The following RCN2 variants were observed in gnomAD, a reference collection of about 807,000 sequenced individuals.
The protein encoded by RCN2 is reticulocalbin-2.
Under a neutral mutation model 37.5 loss-of-function variants are expected in RCN2, and 23 were observed. The observed-to-expected ratio is 0.61, with a 90% confidence interval of 0.44 to 0.87. The LOEUF (loss-of-function observed/expected upper bound fraction) is 0.87. Ranked by LOEUF, RCN2 falls within the 40% of genes least tolerant of loss-of-function variation. RCN2 has a pLI of 0.00. For missense variants in RCN2, 381 were observed against 390.4 expected, an observed-to-expected ratio of 0.98 and a Z score of 0.20; for synonymous variants, 140 against 144.6, an observed-to-expected ratio of 0.97 and a Z score of 0.23.
At position 76,931,791 on chromosome 15, in the gene RCN2, C is replaced by A. The variant is rs1179718496; in HGVS notation, c.-51C>A. On this transcript the variant is annotated 5_prime_UTR_variant, in exon 1 of 7. Coordinates refer to ENST00000394885, the MANE Select transcript of RCN2 (RefSeq NM_002902.3). ...CGGAGCATCGCAGCCGGCCCGGGCC[C>A]CCGCCAGCCTCCCTCCTCGCGTCCC... The A allele has an allele frequency of 2.9e-5, 35 of 1,192,198 alleles. No individual in the cohort carries two copies. The highest frequency in any genetic ancestry group is 3.5e-5 in the Non-Finnish European group (34 of 961,572). 73.9% of individuals were successfully genotyped at this position (1,192,198 alleles called of 1,614,324 possible).
At chr15:76,935,475 TAAG>T (rs1341747896) in intron 2 of RCN2, 48 bp from the exon 3 acceptor site, 1 of 1,420,730 alleles carries the variant, frequency 7.0e-7, no homozygotes, top group Admixed American at 1.9e-5. Context: ...TCCTTACTCT[TAAG>T]TATCAGAATT....
intron 3 of RCN2, chr15:76,941,696 C>G: frequency 7.0e-7 from 1 of 1,436,678 alleles, no homozygotes. Flanking sequence ...TTAATGTGAG[C>G]TATTCTTATT....
chr15:76,948,173 A>C (rs964527044), intron 5 of RCN2: 1 of 340,104 alleles, frequency 2.9e-6, no homozygotes, highest in Non-Finnish European at 5.3e-6. Context: ...TAACAAAATT[A>C]CTAGTTTGTG....
Position 76,932,403 on chromosome 15 carries a change from C to G in RCN2, c.187C>G (p.Gln63Glu). The change falls in exon 2 of 7, where the codon CAA becomes GAA. Residue 63 changes from glutamine to glutamate, a missense_variant. Gln to Glu is a conservative substitution (Grantham distance 29). Transcript: ENST00000394885. The stretch of plus-strand genomic sequence containing the variant: ...TGTTAAACTCGGCCACGAAGAGCAG[C>G]AAAAAAGACTGCAGGCGATCATAAA... Reference protein sequence around the residue: ...EYVKLGHEEQQKRLQAIIKKI... With the variant: ...EYVKLGHEEQEKRLQAIIKKI... The G allele has an allele frequency of 6.2e-7, 1 of 1,611,686 alleles. No individual in the cohort carries two copies. The highest frequency in any genetic ancestry group is 8.5e-7 in the Non-Finnish European group (1 of 1,178,658).
At chr15:76,944,337 A>G (rs1290967318) in intron 4 of RCN2, among the ~76,000 whole-genome samples, 1 of 152,150 alleles carries the variant, frequency 6.6e-6, no homozygotes, top group Non-Finnish European at 1.5e-5. Context: ...ACAATGAGGT[A>G]TCCATCCCCT....
rs1245085810 is a variant in RCN2 at position 76,952,816 on chromosome 15, A to C, written c.*3594A>C. The C allele has an allele frequency of 1.3e-5, 2 of 151,596 alleles. No individual in the cohort carries two copies. 9.4% of individuals were successfully genotyped at this position (151,596 alleles called of 1,614,324 possible). On this transcript the variant is annotated 3_prime_UTR_variant, in exon 7 of 7. Transcript: ENST00000394885. Reference sequence around the variant, plus strand: ...TTGTATTTAGTAGAAATGGGGTTTCACCATGTTGGTCAAGCTGGTCTCGAA... The same window carrying C: ...TTGTATTTAGTAGAAATGGGGTTTCCCCATGTTGGTCAAGCTGGTCTCGAA...
At position 76,950,799 on chromosome 15, in the gene RCN2, C is replaced by T. The variant is rs909325619; in HGVS notation, c.*1577C>T. ...TGTCTCATATACAGCACACTGGGGG[C>T]TCAACAAGTACCTATGACTATTTGA... On this transcript the variant is annotated 3_prime_UTR_variant, in exon 7 of 7. Coordinates refer to ENST00000394885, the MANE Select transcript of RCN2 (RefSeq NM_002902.3). 3.9e-5 allele frequency: 6 copies of T among 152,148 alleles called. No homozygotes were observed. The highest frequency in any genetic ancestry group is 8.8e-5 in the Non-Finnish European group (6 of 68,028). The allele number at this position is 152,148 out of a possible 1,614,324, so 9.4% of individuals were successfully genotyped here.
chr15:76,932,895 G>A (rs1256102571), intron 2 of RCN2, among the ~76,000 whole-genome samples: 2 of 152,044 alleles, frequency 1.3e-5, no homozygotes, highest in African/African-American at 4.8e-5. Flanking sequence ...TGTGAATTAC[G>A]TTTATTATAA....
rs938921829 is a variant in RCN2, at chr15:76,950,048, T to G, written c.*826T>G. On this transcript the variant is annotated 3_prime_UTR_variant, in exon 7 of 7. Transcript: ENST00000394885. ...AAATTATTCTTGCTGCATTTTCTTA[T>G]TTTTTTTTTAAATAAGAGAATCATG... 3 of 150,202 alleles carry G rather than the reference T, an allele frequency of 2.0e-5. No individual in the cohort carries two copies. The highest frequency in any genetic ancestry group is 1.5e-5 in the Non-Finnish European group (1 of 67,336). The allele number at this position is 150,202 out of a possible 1,614,324, so 9.3% of individuals were successfully genotyped here. A position where few individuals can be genotyped will look rare whatever the true frequency, so the allele number is the denominator to read the frequency against.
rs893775368 is a variant in RCN2, at chr15:76,949,283, T to C, written c.*61T>C. 5.0e-6 allele frequency: 6 copies of C among 1,195,242 alleles called. No individual in the cohort carries two copies. The African/African-American group carries it at 7.8e-5, about 15-fold the overall frequency. 74.0% of individuals were successfully genotyped at this position (1,195,242 alleles called of 1,614,324 possible). ...TTATAATTTGTTACCAGCTTTACTT[T>C]TGTGATAAAATATTGATGTTGTATT... On this transcript the variant is annotated 3_prime_UTR_variant, in exon 7 of 7. Coordinates refer to ENST00000394885, the MANE Select transcript of RCN2 (RefSeq NM_002902.3).
chr15:76,937,997 C>T (rs1285011889), intron 3 of RCN2, among the ~76,000 whole-genome samples: 2 of 152,014 alleles, frequency 1.3e-5, no homozygotes, highest in Non-Finnish European at 2.9e-5. Context: ...TACATACTTA[C>T]AGAGTACATG....
chr15:76,936,698 G>T (rs1321824727), intron 3 of RCN2, among the ~76,000 whole-genome samples: 1 of 152,158 alleles, frequency 6.6e-6, no homozygotes, highest in African/African-American at 2.4e-5. Context: ...TAGGCTATGT[G>T]CAAATACTGC....
chr15:76,936,886 C>T (rs752006745), intron 3 of RCN2, among the ~76,000 whole-genome samples: 5 of 152,188 alleles, frequency 3.3e-5, no homozygotes, highest in Admixed American at 6.5e-5. Flanking sequence ...ATCTCCCCGA[C>T]TCTTTTCATC....
chr15:76,932,079 C>A (rs533780439), intron 1 of RCN2, 94 bp downstream of exon 1: 64 of 1,179,714 alleles, frequency 5.4e-5, no homozygotes, highest in Non-Finnish European at 6.9e-5. Context: ...CCGGGCGAGG[C>A]CTGGCAGGGG....
intron 5 of RCN2, chr15:76,947,886 C>A (rs912111774): frequency 5.3e-6 from 1 of 188,896 alleles, no homozygotes; most frequent in Non-Finnish European, 1.1e-5. Flanking sequence ...CTGGTGTAAA[C>A]ACAGTATCAG....
intron 6 of RCN2, 74 bp from the exon 7 acceptor site, chr15:76,948,996 C>A: frequency 1.5e-6 from 2 of 1,345,298 alleles, no homozygotes; most frequent in Non-Finnish European, 2.0e-6. Context: ...TTTGACAAGT[C>A]AAATCACATT....
At chr15:76,937,819 A>G (rs1242841340) in intron 3 of RCN2, among the ~76,000 whole-genome samples, 1 of 152,200 alleles carries the variant, frequency 6.6e-6, no homozygotes, top group Admixed American at 6.5e-5. Flanking sequence ...GACTAATTTT[A>G]TTTAGGAATT....
intron 2 of RCN2, among the ~76,000 whole-genome samples, chr15:76,935,019 C>A (rs2075240867): frequency 6.6e-6 from 1 of 152,054 alleles, no homozygotes; most frequent in Admixed American, 6.6e-5. Context: ...ATATTTAGAT[C>A]ATATGTTATA....
chr15:76,938,920 A>C (rs572883581), intron 3 of RCN2: 1 of 368,884 alleles, frequency 2.7e-6, no homozygotes, highest in African/African-American at 2.1e-5. Context: ...TAATCTCAGC[A>C]CTTTGGGAAG....
Sources: gnomAD v4.1 joint callset for allele counts (sites outside exome capture counted in the v4.1 genomes callset) on GRCh38, gnomAD v4.1.1 for gene constraint, MANE v1.5 for transcripts, NCBI Gene and HGNC (gene_info 2026-07-23, HGNC 2026-07-21) for gene names.